Variants in L3MBTL4 observed in about 807,000 individuals in gnomAD.
L3MBTL4 encodes L3MBTL histone methyl-lysine binding protein 4.
In L3MBTL4, 70 loss-of-function variants were observed where a neutral mutation model predicts 84.5. The observed-to-expected ratio is 0.83, with a 90% confidence interval of 0.68 to 1.01. The LOEUF is 1.01. Among genes scored for constraint, L3MBTL4 ranks in the 50% least tolerant of loss-of-function variants. The pLI is 0.00. For missense variants in L3MBTL4, 715 were observed against 754.8 expected (o/e 0.95, Z 0.62); for synonymous variants, 274 against 259.8 (o/e 1.05, Z -0.52).
intron 1 of L3MBTL4, among the ~76,000 whole-genome samples, chr18:6,332,626 G>A (rs1364636382): frequency 6.6e-6 from 1 of 152,196 alleles, no homozygotes; most frequent in Non-Finnish European, 1.5e-5. Context: ...TTCATAGAAT[G>A]TAAGCCTAGA....
intron 1 of L3MBTL4, among the ~76,000 whole-genome samples, chr18:6,408,220 A>G (rs1356563073): frequency 6.6e-6 from 1 of 152,238 alleles, no homozygotes; most frequent in Admixed American, 6.5e-5. Context: ...TCCCACTCCC[A>G]ACTCCCAGAT....
At chr18:5,979,104 G>T (rs981368283) in intron 16 of L3MBTL4, among the ~76,000 whole-genome samples, 11 of 152,124 alleles carry the variant, frequency 7.2e-5, no homozygotes, top group African/African-American at 2.4e-4. Flanking sequence ...GCAAAAGAGT[G>T]GATCCTTCTT....
At chr18:6,165,130 A>T (rs1345878783) in intron 13 of L3MBTL4, among the ~76,000 whole-genome samples, 2 of 152,202 alleles carry the variant, frequency 1.3e-5, no homozygotes, top group African/African-American at 4.8e-5. Flanking sequence ...AAGTTTAGAG[A>T]AAAAAGAATA....
At chr18:6,107,306 C>A (rs2059042725) in intron 14 of L3MBTL4, among the ~76,000 whole-genome samples, 1 of 152,060 alleles carries the variant, frequency 6.6e-6, no homozygotes, top group African/African-American at 2.4e-5. Flanking sequence ...TGGGAAGGAC[C>A]CTTCCTTGTG....
At chr18:6,134,043 G>A (rs1013441616) in intron 14 of L3MBTL4, among the ~76,000 whole-genome samples, 1 of 152,144 alleles carries the variant, frequency 6.6e-6, no homozygotes, top group Non-Finnish European at 1.5e-5. Context: ...AGGTTCAGTT[G>A]GACATGCAGT....
At chr18:6,011,663 T>C (rs1338467475) in intron 16 of L3MBTL4, among the ~76,000 whole-genome samples, 1 of 152,188 alleles carries the variant, frequency 6.6e-6, no homozygotes, top group Admixed American at 6.5e-5. Context: ...ATCATACCCT[T>C]CGGTGCCTCT....
At chr18:6,220,892 A>C (rs1189715876) in intron 10 of L3MBTL4, among the ~76,000 whole-genome samples, 1 of 152,184 alleles carries the variant, frequency 6.6e-6, no homozygotes, top group Non-Finnish European at 1.5e-5. Flanking sequence ...GTGGCATCAG[A>C]GGTACCATTT....
chr18:6,336,027 A>T (rs868276567), intron 1 of L3MBTL4, among the ~76,000 whole-genome samples: 1 of 152,188 alleles, frequency 6.6e-6, no homozygotes, highest in Non-Finnish European at 1.5e-5. Context: ...GAAAGGTCAC[A>T]AGTAGTCACA....
intron 14 of L3MBTL4, among the ~76,000 whole-genome samples, chr18:6,125,602 G>C (rs758491976): frequency 3.9e-5 from 6 of 151,978 alleles, no homozygotes; most frequent in Non-Finnish European, 5.9e-5. Context: ...CTAATGTCAT[G>C]TATTTTTTGT....
chr18:6,070,916 A>G (rs2057570049), intron 16 of L3MBTL4, among the ~76,000 whole-genome samples: 1 of 152,196 alleles, frequency 6.6e-6, no homozygotes, highest in African/African-American at 2.4e-5. Context: ...ATGATTCTAT[A>G]TAAAGATAAA....
At chr18:6,351,621 G>A in intron 1 of L3MBTL4, among the ~76,000 whole-genome samples, 1 of 151,520 alleles carries the variant, frequency 6.6e-6, no homozygotes, top group Non-Finnish European at 1.5e-5. Flanking sequence ...GCGTGATCTC[G>A]GCTCACTGCA....
chr18:6,408,508 T>C (rs374734703), intron 1 of L3MBTL4, among the ~76,000 whole-genome samples: 151 of 152,236 alleles, frequency 9.9e-4, no homozygotes, highest in East Asian at 6.6e-3. Context: ...ACTGCAGATT[T>C]CCAACTTCAG....
At chr18:6,190,368 G>A (rs2045014713) in intron 12 of L3MBTL4, among the ~76,000 whole-genome samples, 1 of 152,182 alleles carries the variant, frequency 6.6e-6, no homozygotes, top group Non-Finnish European at 1.5e-5. Flanking sequence ...GTTACGGGTA[G>A]ATACATATGT....
intron 5 of L3MBTL4, among the ~76,000 whole-genome samples, chr18:6,251,106 A>C (rs1031635798): frequency 1.3e-5 from 2 of 152,254 alleles, no homozygotes; most frequent in African/African-American, 4.8e-5. Context: ...ATGCTACAGA[A>C]GAGAACATGA....
chr18:5,983,755 C>T (rs1413923806), intron 16 of L3MBTL4, among the ~76,000 whole-genome samples: 1 of 152,168 alleles, frequency 6.6e-6, no homozygotes, highest in Non-Finnish European at 1.5e-5. Context: ...GGTGACCCCT[C>T]CCACTTCCCA....
intron 1 of L3MBTL4, among the ~76,000 whole-genome samples, chr18:6,374,923 A>G (rs1045517259): frequency 6.6e-6 from 1 of 152,222 alleles, no homozygotes; most frequent in Non-Finnish European, 1.5e-5. Flanking sequence ...TTAATTCAGT[A>G]TTTAAATGAA....
chr18:6,002,322 G>A (rs561162457), intron 16 of L3MBTL4, among the ~76,000 whole-genome samples: 1 of 152,208 alleles, frequency 6.6e-6, no homozygotes, highest in Admixed American at 6.5e-5. Flanking sequence ...TTGAAATGAA[G>A]GACTCTAGAC....
rs9957134 is a variant in L3MBTL4 at position 6,409,495 on chromosome 18, T to C, written c.-91+5306A>G. Among the ~76,000 whole-genome samples, 442 of 152,202 alleles carry C rather than the reference T, an allele frequency of 2.9e-3. 3 individuals carry two copies. Among genetic ancestry groups the C allele is most frequent in the African/African-American group, 1.0e-2 (414 of 41,532 alleles). ...GGGAAAATGAGATAAAAATGGTCCA[T>C]TCGGCACATCCAATAATGCAGACCA... On this transcript the variant is annotated intron_variant, in intron 1 of 18. Transcript: ENST00000317931.
intron 1 of L3MBTL4, among the ~76,000 whole-genome samples, chr18:6,335,910 A>G (rs2052311560): frequency 6.6e-6 from 1 of 152,214 alleles, no homozygotes; most frequent in South Asian, 2.1e-4. Flanking sequence ...AGTCTCAGGT[A>G]ATATCTTTAT....
Sources: allele counts gnomAD v4.1 joint callset (sites outside exome capture counted in the v4.1 genomes callset), GRCh38; gene constraint gnomAD v4.1.1; transcripts MANE v1.5; gene names NCBI Gene and HGNC (gene_info 2026-07-23, HGNC 2026-07-21).